INPP4B: variants seen among roughly 807,000 people sequenced by gnomAD.
The protein encoded by INPP4B is inositol polyphosphate 4-phosphatase type II.
Under a neutral mutation model 122.5 loss-of-function variants are expected in INPP4B, and 55 were observed. The observed-to-expected ratio is 0.45, with a 90% confidence interval of 0.36 to 0.56. The LOEUF is 0.56. INPP4B is among the 20% of genes least tolerant of loss of function. INPP4B has a pLI of 0.00. For missense variants in INPP4B, 1,000 were observed against 1,097.7 expected, an observed-to-expected ratio of 0.91 and a Z score of 1.26; for synonymous variants, 403 against 388.7, an observed-to-expected ratio of 1.04 and a Z score of -0.43.
chr4:142,686,642 G>A (rs1759384604), intron 2 of INPP4B, among the ~76,000 whole-genome samples: 1 of 152,148 alleles, frequency 6.6e-6, no homozygotes, highest in South Asian at 2.1e-4. Flanking sequence ...TCACTACTAA[G>A]TTTCATCCTC....
At chr4:142,660,577 C>T (rs749105174) in intron 2 of INPP4B, among the ~76,000 whole-genome samples, 6 of 152,040 alleles carry the variant, frequency 3.9e-5, no homozygotes, top group Non-Finnish European at 5.9e-5. Flanking sequence ...AACTGGTTGC[C>T]TTAGGACTGG....
chr4:142,643,048 C>T (rs1750889776), intron 2 of INPP4B, among the ~76,000 whole-genome samples: 1 of 152,102 alleles, frequency 6.6e-6, no homozygotes, highest in African/African-American at 2.4e-5. Context: ...TGGGAGTTCA[C>T]TCATGATTTG....
chr4:142,325,915 GATCT>G (rs144536584), intron 7 of INPP4B, among the ~76,000 whole-genome samples: 2,363 of 152,162 alleles, frequency 0.016, 64 homozygotes, highest in African/African-American at 0.054. Flanking sequence ...CTATTATAGA[GATCT>G]ATTACAAGCA....
intron 2 of INPP4B, among the ~76,000 whole-genome samples, chr4:142,682,121 C>T (rs1053276724): frequency 6.6e-6 from 1 of 151,882 alleles, no homozygotes; most frequent in Non-Finnish European, 1.5e-5. Context: ...CATTTGAAAA[C>T]AAATGTTATA....
intron 2 of INPP4B, chr4:142,518,702 G>C (rs781344138): frequency 6.6e-6 from 1 of 152,116 alleles, no homozygotes; most frequent in Non-Finnish European, 1.5e-5. Context: ...ATTCACTCTA[G>C]GAGAGCCTGT....
chr4:142,289,408 T>G (rs1579612787), intron 9 of INPP4B, among the ~76,000 whole-genome samples: 1 of 152,226 alleles, frequency 6.6e-6, no homozygotes, highest in South Asian at 2.1e-4. Flanking sequence ...AGGGTACGTG[T>G]GCAGGACGTG....
chr4:142,737,446 T>C (rs1190979085), intron 1 of INPP4B, among the ~76,000 whole-genome samples: 2 of 152,076 alleles, frequency 1.3e-5, no homozygotes, highest in Non-Finnish European at 2.9e-5. Context: ...CCTTACACCT[T>C]ATACAAAAAT....
At chr4:142,063,215 T>C (rs1761912795) in intron 25 of INPP4B, among the ~76,000 whole-genome samples, 1 of 152,168 alleles carries the variant, frequency 6.6e-6, no homozygotes, top group Admixed American at 6.5e-5. Flanking sequence ...CTTTCTTAGC[T>C]GCTGGTGGAA....
chr4:142,824,719 T>C (rs1268663739), intron 1 of INPP4B, among the ~76,000 whole-genome samples: 1 of 152,042 alleles, frequency 6.6e-6, no homozygotes, highest in Admixed American at 6.6e-5. Context: ...TGAATGCCTC[T>C]CTCTCAAAAA....
intron 16 of INPP4B, among the ~76,000 whole-genome samples, chr4:142,167,642 T>C (rs1018592059): frequency 1.3e-4 from 19 of 151,772 alleles, no homozygotes; most frequent in Admixed American, 6.6e-5. Context: ...GGTTTATTTC[T>C]AGATTCTCTA....
At chr4:142,604,765 G>A (rs1740858408) in intron 2 of INPP4B, among the ~76,000 whole-genome samples, 1 of 151,910 alleles carries the variant, frequency 6.6e-6, no homozygotes, top group Non-Finnish European at 1.5e-5. Context: ...GAATTGGAAG[G>A]ATTAACATTG....
At chr4:142,377,315 G>C (rs938553259) in intron 7 of INPP4B, among the ~76,000 whole-genome samples, 2 of 151,178 alleles carry the variant, frequency 1.3e-5, no homozygotes, top group African/African-American at 4.9e-5. Flanking sequence ...AAGTAGGATT[G>C]TGAGGAAAGT....
chr4:142,615,319 A>G (rs1343343503), intron 2 of INPP4B, among the ~76,000 whole-genome samples: 1 of 152,136 alleles, frequency 6.6e-6, no homozygotes, highest in Non-Finnish European at 1.5e-5. Context: ...GTAATAAATC[A>G]ATACATGGAA....
intron 23 of INPP4B, among the ~76,000 whole-genome samples, chr4:142,107,530 G>T (rs752980139): frequency 6.6e-6 from 1 of 152,046 alleles, no homozygotes; most frequent in Non-Finnish European, 1.5e-5. Flanking sequence ...TTGGACAATG[G>T]CCCCCTCCAA....
intron 9 of INPP4B, among the ~76,000 whole-genome samples, chr4:142,302,734 C>T (rs72722486): frequency 4.0e-3 from 604 of 152,020 alleles, no homozygotes; most frequent in Non-Finnish European, 6.0e-3. Flanking sequence ...ACCTTGTTTA[C>T]AAGTCTAGAA....
intron 2 of INPP4B, among the ~76,000 whole-genome samples, chr4:142,687,214 G>A (rs1003050729): frequency 6.6e-6 from 1 of 152,042 alleles, no homozygotes; most frequent in Non-Finnish European, 1.5e-5. Flanking sequence ...AGAGAACTGG[G>A]AGGATTATAC....
rs36025141 is a variant in INPP4B, at chr4:142,388,384, G to GT, written c.372+14553dup. 7.9e-4 allele frequency among the ~76,000 whole-genome samples: 117 copies of GT among 148,086 alleles called. 2 individuals are homozygous for GT. The highest frequency in any genetic ancestry group is 1.4e-3 in the African/African-American group (59 of 40,780). On this transcript the variant is annotated intron_variant, in intron 7 of 25. Transcript: ENST00000262992. ...TAGATCTTATTTTTCTGGAAAAAGGGTTTTTTTTTTTCCTTCTCAGTTGAC... is the reference window on the plus strand; with the variant it reads ...TAGATCTTATTTTTCTGGAAAAAGGGTTTTTTTTTTTTCCTTCTCAGTTGAC...
At chr4:142,090,268 G>T (rs1778873480) in intron 23 of INPP4B, among the ~76,000 whole-genome samples, 1 of 147,936 alleles carries the variant, frequency 6.8e-6, no homozygotes, top group Admixed American at 7.0e-5. Flanking sequence ...CCCATGGTGT[G>T]CTTCTTACAA....
chr4:142,239,453 A>G (rs981995755), intron 11 of INPP4B, among the ~76,000 whole-genome samples: 2 of 152,182 alleles, frequency 1.3e-5, no homozygotes, highest in African/African-American at 4.8e-5. Flanking sequence ...GAATATAAGC[A>G]CAATATTTAA....
Sources: gnomAD v4.1 joint callset for allele counts (sites outside exome capture counted in the v4.1 genomes callset) on GRCh38, gnomAD v4.1.1 for gene constraint, MANE v1.5 for transcripts, NCBI Gene and HGNC (gene_info 2026-07-23, HGNC 2026-07-21) for gene names.